PTPRN2: variants seen among roughly 807,000 people sequenced by gnomAD.
PTPRN2 encodes protein tyrosine phosphatase receptor type N2.
A neutral mutation model predicts 118.8 loss-of-function variants in PTPRN2; 74 were observed. That is an observed-to-expected ratio of 0.62 (90% confidence interval 0.52 to 0.76). The LOEUF is 0.76. PTPRN2 is among the 30% of genes least tolerant of loss of function. The pLI is 0.00. For missense variants in PTPRN2, 1,481 were observed against 1,394.4 expected, an observed-to-expected ratio of 1.06 and a Z score of -0.99; for synonymous variants, 641 against 608.0, an observed-to-expected ratio of 1.05 and a Z score of -0.80.
chr7:157,646,142 G>A (rs548214795), intron 14 of PTPRN2, among the ~76,000 whole-genome samples: 3 of 152,294 alleles, frequency 2.0e-5, no homozygotes, highest in African/African-American at 2.4e-5. Flanking sequence ...CGCTGCCTCC[G>A]CATGGCCTTG....
chr7:158,261,590 A>G (rs1464609921), intron 3 of PTPRN2, among the ~76,000 whole-genome samples: 1 of 152,108 alleles, frequency 6.6e-6, no homozygotes, highest in Admixed American at 6.5e-5. Flanking sequence ...CCAGCCACCC[A>G]TCCTGAGCCA....
intron 13 of PTPRN2, among the ~76,000 whole-genome samples, chr7:157,675,286 T>C (rs1796613310): frequency 6.6e-6 from 1 of 151,972 alleles, no homozygotes; most frequent in African/African-American, 2.4e-5. Context: ...AGCCCTCACC[T>C]CGATGTGAGC....
intron 1 of PTPRN2, among the ~76,000 whole-genome samples, chr7:158,490,291 C>G (rs1453498987): frequency 4.6e-5 from 7 of 152,336 alleles, no homozygotes; most frequent in East Asian, 3.9e-4. Context: ...ACAAGAGACG[C>G]AGGAGAGGGT....
intron 21 of PTPRN2, among the ~76,000 whole-genome samples, chr7:157,556,184 C>A (rs952077361): frequency 6.6e-6 from 1 of 152,154 alleles, no homozygotes; most frequent in Non-Finnish European, 1.5e-5. Context: ...TTGGCACTGA[C>A]TACACACTAC....
intron 1 of PTPRN2, among the ~76,000 whole-genome samples, chr7:158,561,058 C>T (rs74438344): frequency 0.011 from 1,726 of 152,258 alleles, 33 homozygotes; most frequent in African/African-American, 0.038. Context: ...GCCTGGGAAT[C>T]GGGAGCCCTG....
rs978915840 is a variant in PTPRN2 at position 158,033,196 on chromosome 7, T to C, written c.1723+48102A>G. ...GGGCCACGAATAAAGCCTTGGTGCC[T>C]GGTGGTGGCCACCAAGCCTGATGGA... On this transcript the variant is annotated intron_variant, in intron 11 of 22. Transcript: ENST00000389418. Among the ~76,000 whole-genome samples, 5 of 77,878 alleles carry C rather than the reference T, an allele frequency of 6.4e-5. No homozygotes were observed. In the East Asian group the frequency reaches 1.6e-3, roughly 25 times the overall value. The allele number at this position is 77,878 out of a possible 152,430, so 51.1% of individuals were successfully genotyped here. A position where few individuals can be genotyped will look rare whatever the true frequency, so the allele number is the denominator to read the frequency against.
intron 2 of PTPRN2, among the ~76,000 whole-genome samples, chr7:158,441,828 TGGTCATGG>T (rs1252764286): frequency 1.0e-4 from 15 of 147,128 alleles, no homozygotes; most frequent in African/African-American, 3.9e-4. Flanking sequence ...GTGATAGTGA[TGGTCATGG>T]CAGTGGTGGT....
intron 3 of PTPRN2, among the ~76,000 whole-genome samples, chr7:158,300,554 A>ACAGCGCCTCGCCCGCCACCCAGTACCG (rs1554445859): frequency 2.0e-5 from 3 of 146,630 alleles, no homozygotes; most frequent in Non-Finnish European, 4.5e-5. Context: ...CTGCACGCCC[A>ACAGCGCCTCGCCCGCCACCCAGTACCG]CAGCGCCTCG....
intron 3 of PTPRN2, among the ~76,000 whole-genome samples, chr7:158,298,345 T>A (rs970287885): frequency 2.0e-5 from 3 of 152,248 alleles, no homozygotes; most frequent in Non-Finnish European, 4.4e-5. Flanking sequence ...ATGACACAGG[T>A]TGAATATCCC....
At chr7:157,689,020 AG>A (rs1797335282) in intron 12 of PTPRN2, among the ~76,000 whole-genome samples, 1 of 152,132 alleles carries the variant, frequency 6.6e-6, no homozygotes, top group Non-Finnish European at 1.5e-5. Flanking sequence ...GCCGGCCGCG[AG>A]GGAGGACCAA....
chr7:158,501,211 CA>C (rs1312137894), intron 1 of PTPRN2, among the ~76,000 whole-genome samples: 1 of 152,244 alleles, frequency 6.6e-6, no homozygotes, highest in African/African-American at 2.4e-5. Context: ...GGGAAATCAT[CA>C]CTCCTTCCTG....
rs769216686 is a variant in PTPRN2 at position 157,845,130 on chromosome 7, G to A, written c.1788+53543C>T. Among the ~76,000 whole-genome samples, 19 of 152,154 alleles carry A rather than the reference G, an allele frequency of 1.2e-4. No homozygotes were observed. Among genetic ancestry groups the A allele is most frequent in the Non-Finnish European group, 2.1e-4 (14 of 68,018 alleles). On this transcript the variant is annotated intron_variant, in intron 12 of 22. Coordinates refer to ENST00000389418, the MANE Select transcript of PTPRN2 (RefSeq NM_002847.5). The surrounding 1 kb of genome is among the most constrained non-coding windows in gnomAD (Gnocchi z 4.5). ...CCCTGACCTCACGTTGGTCCACGAC[G>A]GGCAGAGAGCAACTTGGATGGCTGC...
At chr7:157,714,196 A>G (rs1044813677) in intron 12 of PTPRN2, among the ~76,000 whole-genome samples, 9 of 152,238 alleles carry the variant, frequency 5.9e-5, no homozygotes, top group African/African-American at 2.2e-4. Context: ...ATTAAAACAC[A>G]TAAAAAACAA....
chr7:158,125,904 G>A (rs1362620047), intron 9 of PTPRN2, among the ~76,000 whole-genome samples: 1 of 152,154 alleles, frequency 6.6e-6, no homozygotes, highest in Non-Finnish European at 1.5e-5. Flanking sequence ...CTGGCACCCT[G>A]CTGGTTCTCG....
At chr7:157,947,216 CATG>C (rs1800543183) in intron 11 of PTPRN2, among the ~76,000 whole-genome samples, 2 of 151,548 alleles carry the variant, frequency 1.3e-5, no homozygotes, top group Non-Finnish European at 2.9e-5. Context: ...CGAGTAGTGA[CATG>C]GAAATCACAG....
chr7:158,312,091 A>T (rs1801819166), intron 3 of PTPRN2, among the ~76,000 whole-genome samples: 1 of 140,312 alleles, frequency 7.1e-6, no homozygotes, highest in Non-Finnish European at 1.5e-5. Context: ...ACTCATTCAC[A>T]TGCTCACATG....
chr7:157,878,292 C>T (rs2151279767), intron 12 of PTPRN2, among the ~76,000 whole-genome samples: 1 of 151,946 alleles, frequency 6.6e-6, no homozygotes, highest in East Asian at 1.9e-4. Flanking sequence ...TGATACCGTG[C>T]ACCCACACTT....
At chr7:157,659,777 C>T (rs1486562816) in intron 13 of PTPRN2, among the ~76,000 whole-genome samples, 1 of 152,156 alleles carries the variant, frequency 6.6e-6, no homozygotes, top group Non-Finnish European at 1.5e-5. Flanking sequence ...TGGAGCCTCA[C>T]TCTGTCTCCC....
intron 3 of PTPRN2, among the ~76,000 whole-genome samples, chr7:158,250,348 T>C (rs760101496): frequency 6.6e-6 from 1 of 152,318 alleles, no homozygotes; most frequent in Non-Finnish European, 1.5e-5. Context: ...ATATAGGTTA[T>C]TTATTGTTAT....
Sources: gnomAD v4.1 joint callset for allele counts (sites outside exome capture counted in the v4.1 genomes callset) on GRCh38, gnomAD v4.1.1 for gene constraint, Gnocchi (gnomAD v3.1) non-coding constraint, MANE v1.5 for transcripts, NCBI Gene and HGNC (gene_info 2026-07-23, HGNC 2026-07-21) for gene names.